Variants in GRM7 observed in about 807,000 individuals in gnomAD.
GRM7 encodes glutamate metabotropic receptor 7, also known as metabotropic glutamate receptor 7.
A neutral mutation model predicts 84.5 loss-of-function variants in GRM7; 35 were observed. That is an observed-to-expected ratio of 0.41 (90% confidence interval 0.32 to 0.55). The LOEUF (loss-of-function observed/expected upper bound fraction) is 0.55. GRM7 is among the 20% of genes least tolerant of loss of function. The pLI is 0.19. For synonymous variants in GRM7, 487 were observed against 455.1 expected, an observed-to-expected ratio of 1.07 and a Z score of -0.89; for missense variants, 1,003 against 1,194.6, an observed-to-expected ratio of 0.84 and a Z score of 2.36.
intron 9 of GRM7, among the ~76,000 whole-genome samples, chr3:7,709,186 C>G (rs891705264): frequency 2.0e-5 from 3 of 152,060 alleles, no homozygotes; most frequent in African/African-American, 7.2e-5. Context: ...AATCCTTACT[C>G]ATGTGGCATT....
chr3:7,553,461 A>G (rs1693595028), intron 7 of GRM7, among the ~76,000 whole-genome samples: 1 of 152,072 alleles, frequency 6.6e-6, no homozygotes, highest in East Asian at 1.9e-4. Flanking sequence ...CCTGGTACCA[A>G]TTTATTGTAT....
intron 1 of GRM7, among the ~76,000 whole-genome samples, chr3:7,092,373 T>C (rs1268008666): frequency 1.3e-5 from 2 of 152,174 alleles, no homozygotes; most frequent in Non-Finnish European, 2.9e-5. Flanking sequence ...TAGTTACCAC[T>C]TCTTGGTTTA....
At chr3:7,645,564 A>G (rs926690249) in intron 8 of GRM7, among the ~76,000 whole-genome samples, 6 of 150,604 alleles carry the variant, frequency 4.0e-5, no homozygotes, top group African/African-American at 9.8e-5. Flanking sequence ...AAAAAAAAAA[A>G]AAAAAAAGAA....
intron 7 of GRM7, among the ~76,000 whole-genome samples, chr3:7,498,375 G>A (rs543144840): frequency 9.2e-5 from 14 of 152,294 alleles, no homozygotes; most frequent in African/African-American, 2.9e-4. Context: ...TTTAAAAGCC[G>A]ATTGTGCCAT....
intron 7 of GRM7, among the ~76,000 whole-genome samples, chr3:7,527,115 G>A (rs913367309): frequency 3.9e-5 from 6 of 151,942 alleles, no homozygotes; most frequent in African/African-American, 1.4e-4. Context: ...ATTGCTTTGA[G>A]CAGCATGAAC....
At chr3:7,639,444 G>A (rs1698263077) in intron 8 of GRM7, among the ~76,000 whole-genome samples, 2 of 152,110 alleles carry the variant, frequency 1.3e-5, no homozygotes. Context: ...TTTCACAACT[G>A]CCCTGAAAGT....
intron 2 of GRM7, among the ~76,000 whole-genome samples, chr3:7,240,128 T>TTTTTTTG (rs1553635901): frequency 7.0e-6 from 1 of 141,884 alleles, no homozygotes; most frequent in African/African-American, 2.6e-5. Context: ...AGGTTTTTTT[T>TTTTTTTG]TTTTTTTTTT....
intron 2 of GRM7, among the ~76,000 whole-genome samples, chr3:7,281,859 T>C (rs1167835345): frequency 6.6e-6 from 1 of 152,182 alleles, no homozygotes; most frequent in Non-Finnish European, 1.5e-5. Flanking sequence ...GGCGGAAGGA[T>C]TGCCTGAGTT....
At chr3:7,005,144 G>A (rs1319859403) in intron 1 of GRM7, among the ~76,000 whole-genome samples, 1 of 152,208 alleles carries the variant, frequency 6.6e-6, no homozygotes, top group East Asian at 1.9e-4. Flanking sequence ...CACGCGTCAA[G>A]GTGGAGCAGC....
At chr3:7,444,461 G>C (rs1028481218) in intron 5 of GRM7, among the ~76,000 whole-genome samples, 1 of 152,042 alleles carries the variant, frequency 6.6e-6, no homozygotes, top group African/African-American at 2.4e-5. Context: ...CTTTTTGTTT[G>C]TTTGTCTGGT....
At chr3:7,076,743 A>G (rs1698096383) in intron 1 of GRM7, among the ~76,000 whole-genome samples, 1 of 152,184 alleles carries the variant, frequency 6.6e-6, no homozygotes, top group Non-Finnish European at 1.5e-5. Context: ...TATATCATAA[A>G]GAAAAAATTG....
intron 4 of GRM7, among the ~76,000 whole-genome samples, chr3:7,374,732 C>G (rs187846376): frequency 2.7e-5 from 4 of 150,860 alleles, no homozygotes; most frequent in African/African-American, 9.7e-5. Flanking sequence ...CTCAGGTGAT[C>G]CGCCTGCCTC....
At chr3:7,298,661 C>G (rs191934789) in intron 2 of GRM7, 23 bp from the exon 3 acceptor site, 2 of 1,604,288 alleles carry the variant, frequency 1.2e-6, no homozygotes, top group East Asian at 2.2e-5. Context: ...ATTATTGACA[C>G]TATGTTTTCT....
intron 4 of GRM7, among the ~76,000 whole-genome samples, chr3:7,328,514 A>G (rs1381477186): frequency 6.6e-6 from 1 of 152,092 alleles, no homozygotes. Flanking sequence ...TCTATACCTT[A>G]CTGGTAGATG....
intron 7 of GRM7, among the ~76,000 whole-genome samples, chr3:7,501,033 G>A (rs554215520): frequency 6.6e-6 from 1 of 152,258 alleles, no homozygotes; most frequent in African/African-American, 2.4e-5. Flanking sequence ...GGCTTTTATT[G>A]CACAGTATCA....
intron 7 of GRM7, among the ~76,000 whole-genome samples, chr3:7,474,767 G>T (rs1175096068): frequency 6.6e-6 from 1 of 151,354 alleles, no homozygotes. Context: ...AGTATTCTAG[G>T]GACATGAGTA....
At chr3:7,667,116 A>C (rs567500966) in intron 8 of GRM7, among the ~76,000 whole-genome samples, 72 of 152,216 alleles carry the variant, frequency 4.7e-4, no homozygotes, top group South Asian at 3.5e-3. Flanking sequence ...AACAAACAAA[A>C]AAAATAGCCA....
intron 2 of GRM7, among the ~76,000 whole-genome samples, chr3:7,154,122 A>G (rs1354788325): frequency 6.6e-6 from 1 of 152,134 alleles, no homozygotes; most frequent in East Asian, 1.9e-4. Context: ...AATGTGATGG[A>G]AAATTGTCTT....
chr3:7,430,853 T>C (rs2124848113), intron 5 of GRM7, among the ~76,000 whole-genome samples: 1 of 152,314 alleles, frequency 6.6e-6, no homozygotes, highest in Non-Finnish European at 1.5e-5. Flanking sequence ...ATAATAAAGA[T>C]AATATCCTCT....
Sources: allele counts gnomAD v4.1 joint callset (sites outside exome capture counted in the v4.1 genomes callset), GRCh38; gene constraint gnomAD v4.1.1; transcripts MANE v1.5; gene names NCBI Gene and HGNC (gene_info 2026-07-23, HGNC 2026-07-21).